The following UBR1 variants were observed in gnomAD, a reference collection of about 807,000 sequenced individuals.
The protein encoded by UBR1 is E3 ubiquitin-protein ligase UBR1.
Under a neutral mutation model 242.1 loss-of-function variants are expected in UBR1, and 102 were observed. The ratio of observed to expected loss-of-function variants is 0.42; its 90% CI spans 0.36 to 0.50. The LOEUF (loss-of-function observed/expected upper bound fraction) is 0.50, where lower values mean the gene tolerates loss of function less well. UBR1 is among the 20% of genes least tolerant of loss of function. UBR1 has a pLI of 0.01. For synonymous variants in UBR1, 675 were observed against 684.8 expected (o/e 0.99, Z 0.22); for missense variants, 1,772 against 2,101.8 (o/e 0.84, Z 3.07).
At chr15:43,076,753 A>G (rs2033903706) in intron 3 of UBR1, among the ~76,000 whole-genome samples, 1 of 135,436 alleles carries the variant, frequency 7.4e-6, no homozygotes, top group Non-Finnish European at 1.6e-5. Flanking sequence ...CCTGGCAGCC[A>G]CCGCGTCCGG....
At chr15:43,105,125 T>A (rs1311998679) in intron 1 of UBR1, among the ~76,000 whole-genome samples, 2 of 152,216 alleles carry the variant, frequency 1.3e-5, no homozygotes, top group Non-Finnish European at 2.9e-5. Context: ...ATGCTGCTAT[T>A]TAGAAAGACA....
chr15:42,967,206 C>T (rs1362152341), intron 40 of UBR1, among the ~76,000 whole-genome samples: 2 of 147,166 alleles, frequency 1.4e-5, no homozygotes, highest in African/African-American at 4.9e-5. Flanking sequence ...GTCTGAGTGA[C>T]CATGCTCAAC....
At chr15:43,007,430 TC>T in intron 29 of UBR1, 146 bp from the exon 30 acceptor site, 1 of 788,380 alleles carries the variant, frequency 1.3e-6, no homozygotes, top group Non-Finnish European at 2.0e-6. Context: ...GTTAAAAGCT[TC>T]CCCCTTTCCT....
At chr15:42,978,748 A>G (rs1330356836) in intron 37 of UBR1, among the ~76,000 whole-genome samples, 1 of 131,914 alleles carries the variant, frequency 7.6e-6, no homozygotes. Context: ...TTTTTTTTTT[A>G]GACAGAATCT....
At chr15:43,019,694 T>C (rs1341388125) in intron 27 of UBR1, among the ~76,000 whole-genome samples, 3 of 149,172 alleles carry the variant, frequency 2.0e-5, no homozygotes, top group African/African-American at 7.4e-5. Context: ...GCGATTCTCC[T>C]GCCTCAGCCT....
At chr15:42,946,874 G>A (rs2031744429) in intron 46 of UBR1, among the ~76,000 whole-genome samples, 2 of 152,172 alleles carry the variant, frequency 1.3e-5, no homozygotes, top group Non-Finnish European at 2.9e-5. Flanking sequence ...TCAGTTGGGT[G>A]CAGTGGCTCA....
At chr15:42,990,445 T>C (rs1279007437) in intron 33 of UBR1, among the ~76,000 whole-genome samples, 6 of 152,212 alleles carry the variant, frequency 3.9e-5, no homozygotes, top group African/African-American at 9.7e-5. Flanking sequence ...AGTGCTGGGA[T>C]TACAGACATG....
chr15:42,966,309 G>T (rs369868349), intron 40 of UBR1, 23 bp from the exon 41 acceptor site: 78 of 1,613,788 alleles, frequency 4.8e-5, no homozygotes, highest in Non-Finnish European at 5.4e-5. Flanking sequence ...AATTCCAGAA[G>T]AGAACAGAAT....
At chr15:42,976,597 T>C (rs76954087) in intron 39 of UBR1, 120 bp downstream of exon 39, 18 of 958,684 alleles carry the variant, frequency 1.9e-5, no homozygotes, top group African/African-American at 3.6e-5. Context: ...CAGATAATCA[T>C]TCAACAAAAA....
At chr15:42,973,737 G>A (rs933390309) in intron 39 of UBR1, among the ~76,000 whole-genome samples, 13 of 152,068 alleles carry the variant, frequency 8.5e-5, no homozygotes, top group Non-Finnish European at 1.6e-4. Flanking sequence ...TCTCTTGACA[G>A]TGTCTTTCAG....
At chr15:43,099,642 A>C (rs1005840368) in intron 1 of UBR1, among the ~76,000 whole-genome samples, 2 of 152,046 alleles carry the variant, frequency 1.3e-5, no homozygotes, top group African/African-American at 4.8e-5. Flanking sequence ...CTTCCTCTCT[A>C]CCTCAGTGTC....
At chr15:42,956,429 C>CA (rs1193904497) in intron 44 of UBR1, among the ~76,000 whole-genome samples, 1 of 152,224 alleles carries the variant, frequency 6.6e-6, no homozygotes, top group Non-Finnish European at 1.5e-5. Context: ...AAGTGATTCT[C>CA]ACGCCTCAGC....
chr15:42,998,556 C>G (rs1269360811), intron 32 of UBR1, among the ~76,000 whole-genome samples: 1 of 152,156 alleles, frequency 6.6e-6, no homozygotes, highest in Non-Finnish European at 1.5e-5. Context: ...TAGGTGTTGT[C>G]ATTGATTTCT....
chr15:43,069,527 G>A (rs567993539), intron 5 of UBR1, among the ~76,000 whole-genome samples: 5 of 152,224 alleles, frequency 3.3e-5, no homozygotes, highest in African/African-American at 7.2e-5. Context: ...CACCCACCTC[G>A]GCCTCCCAAA....
rs137934294 is a variant in UBR1, at chr15:43,011,819, C to T, written c.3209+3869G>A. ...GGAGACACATACAAAAAGATTCTCA[C>T]GAACAGTTCTAAGGAAAAATTAGAA... On this transcript the variant is annotated intron_variant, in intron 29 of 46. Coordinates refer to ENST00000290650, the MANE Select transcript of UBR1 (RefSeq NM_174916.3). 6.6e-4 allele frequency: 254 copies of T among 382,148 alleles called. 3 individuals carry two copies. The highest frequency in any genetic ancestry group is 4.0e-3 in the African/African-American group (190 of 47,376). 23.7% of individuals were successfully genotyped at this position (382,148 alleles called of 1,614,324 possible). A position where few individuals can be genotyped will look rare whatever the true frequency, so the allele number is the denominator to read the frequency against.
At chr15:42,977,750 C>T (rs1410727986) in intron 38 of UBR1, 130 bp downstream of exon 38, 1 of 726,320 alleles carries the variant, frequency 1.4e-6, no homozygotes, top group Non-Finnish European at 2.4e-6. Context: ...AAACAATGGA[C>T]AGGAGAGACC....
chr15:43,004,425 G>A (rs1441790571), intron 30 of UBR1, among the ~76,000 whole-genome samples: 1 of 152,032 alleles, frequency 6.6e-6, no homozygotes. Flanking sequence ...CCAAAGTTGT[G>A]AAAGCCGAGG....
chr15:43,030,718 T>C (rs1393352401), intron 20 of UBR1, among the ~76,000 whole-genome samples: 3 of 152,160 alleles, frequency 2.0e-5, no homozygotes, highest in Admixed American at 6.5e-5. Context: ...AGCATCTAAT[T>C]CCGATTGCCT....
intron 33 of UBR1, among the ~76,000 whole-genome samples, chr15:42,996,187 G>A (rs2032635466): frequency 6.6e-6 from 1 of 152,052 alleles, no homozygotes; most frequent in Admixed American, 6.5e-5. Context: ...AATCCTATGA[G>A]TCCTATTGTT....
Sources: gnomAD v4.1 joint callset for allele counts (sites outside exome capture counted in the v4.1 genomes callset) on GRCh38, gnomAD v4.1.1 for gene constraint, MANE v1.5 for transcripts, NCBI Gene and HGNC (gene_info 2026-07-23, HGNC 2026-07-21) for gene names.